PADI2: variants seen among roughly 807,000 people sequenced by gnomAD.
PADI2 encodes protein-arginine deiminase type-2.
A neutral mutation model predicts 81.1 loss-of-function variants in PADI2; 70 were observed. The ratio of observed to expected loss-of-function variants is 0.86; its 90% CI spans 0.71 to 1.05. The LOEUF is 1.05. PADI2 is among the 50% of genes least tolerant of loss of function. PADI2 has a pLI of 0.00. For synonymous variants in PADI2, 338 were observed against 358.0 expected, an observed-to-expected ratio of 0.94 and a Z score of 0.63; for missense variants, 853 against 889.9, an observed-to-expected ratio of 0.96 and a Z score of 0.53.
chr1:17,102,417 G>C (rs1931175017), intron 3 of PADI2, among the ~76,000 whole-genome samples: 1 of 152,140 alleles, frequency 6.6e-6, no homozygotes, highest in African/African-American at 2.4e-5. Flanking sequence ...ATAATTCTGG[G>C]TTCTGGACTC....
chr1:17,101,566 C>A (rs2101602328), intron 3 of PADI2, among the ~76,000 whole-genome samples: 1 of 152,270 alleles, frequency 6.6e-6, no homozygotes, highest in East Asian at 1.9e-4. Context: ...GTTCCCTACC[C>A]CAGGGCTGGG....
intron 7 of PADI2, 52 bp downstream of exon 7, chr1:17,086,469 C>G: frequency 6.7e-7 from 1 of 1,483,460 alleles, no homozygotes; most frequent in Non-Finnish European, 9.1e-7. Context: ...AGTAGGAGAC[C>G]CACCCTGGCC....
At chr1:17,100,748 A>T (rs1473296595) in intron 3 of PADI2, among the ~76,000 whole-genome samples, 3 of 135,812 alleles carry the variant, frequency 2.2e-5, no homozygotes, top group Non-Finnish European at 4.7e-5. Flanking sequence ...TGCAACCTCC[A>T]CCTCTTGGGT....
At chr1:17,110,948 T>G (rs974792286) in intron 1 of PADI2, among the ~76,000 whole-genome samples, 2 of 152,154 alleles carry the variant, frequency 1.3e-5, no homozygotes, top group Admixed American at 1.3e-4. Flanking sequence ...GGAGGCGGGC[T>G]TACTTATATG....
chr1:17,083,364 A>T (rs773464719), intron 9 of PADI2: 22 of 212,786 alleles, frequency 1.0e-4, no homozygotes, highest in Non-Finnish European at 1.8e-4. Context: ...AAAACACACA[A>T]ATAGCAAGCA....
intron 7 of PADI2, among the ~76,000 whole-genome samples, chr1:17,085,852 C>CT (rs1004087102): frequency 6.6e-5 from 10 of 152,146 alleles, no homozygotes; most frequent in Admixed American, 2.6e-4. Context: ...AGGTCCTTCC[C>CT]TTTTTTTCTG....
Position 17,079,314 on chromosome 1 carries a change from G to A in PADI2, c.1260C>T (p.Asn420=), listed in dbSNP as rs2057096. The change falls in exon 11 of 16, where the codon AAC becomes AAT. Residue 420 remains asparagine (N), a synonymous_variant. Coordinates refer to ENST00000375486, the MANE Select transcript of PADI2 (RefSeq NM_007365.3). The stretch of plus-strand genomic sequence containing the variant: ...TGCGGCCAAGCGGGTATGTCTTGCC[G>A]TTCACGGTCACTGGGGGACTGACCT... ...NLEVSPPVTV[N]GKTYPLGRIL... 0.56 allele frequency: 898,770 copies of A among 1,612,458 alleles called. 253,627 individuals carry two copies. The highest frequency in any genetic ancestry group is 0.58 in the Non-Finnish European group (686,720 of 1,178,822).
intron 7 of PADI2, 58 bp downstream of exon 7, chr1:17,086,463 G>A (rs955818937): frequency 2.8e-6 from 4 of 1,443,478 alleles, no homozygotes; most frequent in Non-Finnish European, 3.8e-6. Flanking sequence ...CCCACTAGTA[G>A]GAGACCCACC....
chr1:17,109,782 T>G (rs906023462), intron 1 of PADI2, among the ~76,000 whole-genome samples: 5 of 152,206 alleles, frequency 3.3e-5, no homozygotes, highest in Non-Finnish European at 5.9e-5. Flanking sequence ...TGAGCCACCA[T>G]GCCTGACCCA....
intron 1 of PADI2, among the ~76,000 whole-genome samples, chr1:17,118,856 C>T (rs1931845652): frequency 6.6e-6 from 1 of 152,102 alleles, no homozygotes; most frequent in African/African-American, 2.4e-5. Flanking sequence ...GCGGAAGCTC[C>T]GCTGAACTGG....
At chr1:17,100,239 G>GTTTCTCATAAAGC (rs11270306) in intron 3 of PADI2, among the ~76,000 whole-genome samples, 9,603 of 152,242 alleles carry the variant, frequency 0.063, 968 homozygotes, top group African/African-American at 0.21. Context: ...AATGGTGTTA[G>GTTTCTCATAAAGC]TTTCTTTTTG....
In PADI2 at chr1:17,119,133, T is replaced by A; in HGVS notation, c.92+147A>T. The A allele has an allele frequency of 3.5e-6, 2 of 574,884 alleles. No individual in the cohort carries two copies. Among genetic ancestry groups the A allele is most frequent in the Non-Finnish European group, 6.1e-6 (2 of 328,656 alleles). 35.6% of individuals were successfully genotyped at this position (574,884 alleles called of 1,614,324 possible). The stretch of plus-strand genomic sequence containing the variant: ...GTTCGGGGGTTGTCAGGTTTCTGGA[T>A]GAGATTCTTAGGATTTCTGGGCTCG... On this transcript the variant is annotated intron_variant, in intron 1 of 15. Coordinates refer to ENST00000375486, the MANE Select transcript of PADI2 (RefSeq NM_007365.3). The surrounding 1 kb of genome is among the most constrained non-coding windows in gnomAD (Gnocchi z 4.8).
chr1:17,104,885 C>T lies in PADI2; in HGVS notation c.269G>A (p.Ser90Asn), dbSNP rs1216047783. Residue 90 changes from serine (S) to asparagine (N), a missense_variant, in exon 2 of 16, where the codon AGT (serine) becomes AAT (asparagine). Coordinates refer to ENST00000375486, the MANE Select transcript of PADI2 (RefSeq NM_007365.3). ...TMSQASTEAS[S>N]DKVTVNYYDE... Reference sequence around the variant, plus strand: ...GACTTCCCGCCGTGGTACCTTGTCACTGCTGGCCTCGGTGCTCGCCTGGCT... The same window carrying T: ...GACTTCCCGCCGTGGTACCTTGTCATTGCTGGCCTCGGTGCTCGCCTGGCT... The T allele has an allele frequency of 6.3e-7, 1 of 1,575,490 alleles. No homozygotes were observed. The highest frequency in any genetic ancestry group is 1.1e-5 in the South Asian group (1 of 89,320).
intron 11 of PADI2, among the ~76,000 whole-genome samples, chr1:17,076,348 G>A (rs2078302836): frequency 6.6e-6 from 1 of 152,050 alleles, no homozygotes; most frequent in Admixed American, 6.6e-5. Flanking sequence ...CTGAGTAGCT[G>A]GGACTACAGG....
At chr1:17,090,438 C>T (rs1437435436) in intron 6 of PADI2, among the ~76,000 whole-genome samples, 1 of 152,230 alleles carries the variant, frequency 6.6e-6, no homozygotes, top group African/African-American at 2.4e-5. Context: ...AGCCCCCTGG[C>T]CTTGGGGAGA....
At chr1:17,110,631 C>T (rs1187105532) in intron 1 of PADI2, among the ~76,000 whole-genome samples, 4 of 152,224 alleles carry the variant, frequency 2.6e-5, no homozygotes, top group African/African-American at 9.6e-5. Flanking sequence ...CAGCTTGACT[C>T]TCTGGTTTCA....
intron 6 of PADI2, among the ~76,000 whole-genome samples, chr1:17,092,176 G>C (rs986945302): frequency 6.6e-6 from 1 of 152,114 alleles, no homozygotes; most frequent in African/African-American, 2.4e-5. Context: ...GGGAGGAAGG[G>C]CCTCTGGGTT....
chr1:17,102,366 C>T (rs762387187), intron 3 of PADI2, among the ~76,000 whole-genome samples: 24 of 152,168 alleles, frequency 1.6e-4, no homozygotes, highest in Admixed American at 9.2e-4. Context: ...TGGCACCCAG[C>T]GCAGGGCAGT....
At chr1:17,092,950 A>G (rs889545592) in intron 5 of PADI2, among the ~76,000 whole-genome samples, 1 of 140,348 alleles carries the variant, frequency 7.1e-6, no homozygotes, top group Non-Finnish European at 1.5e-5. Flanking sequence ...CCTTGTCTCA[A>G]AAAAAAAAAA....
Sources: gnomAD v4.1 joint callset for allele counts (sites outside exome capture counted in the v4.1 genomes callset) on GRCh38, gnomAD v4.1.1 for gene constraint, Gnocchi (gnomAD v3.1) non-coding constraint, MANE v1.5 for transcripts, NCBI Gene and HGNC (gene_info 2026-07-23, HGNC 2026-07-21) for gene names.